LRR1: variants seen among roughly 807,000 people sequenced by gnomAD.
The protein encoded by LRR1 is leucine-rich repeat protein 1.
In LRR1, 29 loss-of-function variants were observed where a neutral mutation model predicts 31.6. The observed-to-expected ratio is 0.92, with a 90% CI of 0.68 to 1.25. The LOEUF (loss-of-function observed/expected upper bound fraction) is 1.25, where lower values mean the gene tolerates loss of function less well. Ranked by LOEUF, LRR1 falls within the 50% of genes most tolerant of loss-of-function variation. LRR1 has a pLI of 0.00. For synonymous variants in LRR1, 179 were observed against 181.4 expected, an observed-to-expected ratio of 0.99 and a Z score of 0.10; for missense variants, 485 against 487.2, an observed-to-expected ratio of 1.00 and a Z score of 0.04.
At chr14:49,602,307 T>C in intron 1 of LRR1, 63 bp from the exon 2 acceptor site, 1 of 1,407,922 alleles carries the variant, frequency 7.1e-7, no homozygotes, top group Non-Finnish European at 1.0e-6. Flanking sequence ...ATTCTAGTTG[T>C]AATAAATGTT....
At chr14:49,608,972 G>A (rs995883842) in intron 3 of LRR1, among the ~76,000 whole-genome samples, 13 of 130,058 alleles carry the variant, frequency 1.0e-4, no homozygotes, top group Non-Finnish European at 2.0e-4. Context: ...GCAGTGGTGC[G>A]AAGCGATCTC....
At chr14:49,602,298 T>G in intron 1 of LRR1, 72 bp from the exon 2 acceptor site, 6 of 1,312,704 alleles carry the variant, frequency 4.6e-6, no homozygotes, top group African/African-American at 1.5e-5. Flanking sequence ...AACTGGCACA[T>G]TCTAGTTGTA....
intron 3 of LRR1, among the ~76,000 whole-genome samples, chr14:49,613,918 A>G (rs1004419325): frequency 4.6e-5 from 7 of 152,220 alleles, no homozygotes; most frequent in African/African-American, 1.4e-4. Context: ...CCCAGCCACT[A>G]AAGTAAAACT....
At chr14:49,601,180 T>G in intron 1 of LRR1, 1 of 1,564,118 alleles carries the variant, frequency 6.4e-7, no homozygotes, top group Non-Finnish European at 8.7e-7. Context: ...TGAGCACAAG[T>G]GTAACCTAAA....
chr14:49,614,139 T>A, intron 3 of LRR1, 117 bp from the exon 4 acceptor site: 15 of 1,021,292 alleles, frequency 1.5e-5, no homozygotes, highest in Non-Finnish European at 1.8e-5. Flanking sequence ...TAGTATATTT[T>A]AAATATACTA....
chr14:49,608,411 T>A (rs1383008329), intron 3 of LRR1, among the ~76,000 whole-genome samples: 2 of 74,118 alleles, frequency 2.7e-5, no homozygotes, highest in Non-Finnish European at 5.7e-5. Context: ...GCTTGATTTT[T>A]TTTTTTTTTT....
chr14:49,607,754 G>C lies in LRR1; in HGVS notation c.637G>C (p.Glu213Gln). 2 of 1,613,404 alleles carry C rather than the reference G, an allele frequency of 1.2e-6. No homozygotes were observed. Among genetic ancestry groups the C allele is most frequent in the Non-Finnish European group, 1.7e-6 (2 of 1,179,546 alleles). ...ACTTAACCTGAATGACAATCACTTG[G>C]AGTCATTTAGTGTAGCCTTGTGTCA... ...QELNLNDNHL[E>Q]SFSVALCHST... Residue 213 changes from glutamate to glutamine, a missense_variant, in exon 3 of 4, where the codon GAG (glutamate) becomes CAG (glutamine). Around this residue, in one of 3 missense-constraint regions of LRR1, gnomAD observed 15 missense variants for 37.2 expected, o/e 0.40. Transcript: ENST00000298288.
intron 1 of LRR1, among the ~76,000 whole-genome samples, chr14:49,601,932 A>G (rs1882071894): frequency 1.3e-5 from 2 of 151,838 alleles, no homozygotes; most frequent in African/African-American, 4.8e-5. Flanking sequence ...CAGGAGTTCT[A>G]GACCAGCTTG....
chr14:49,610,719 T>C (rs971883135), intron 3 of LRR1, among the ~76,000 whole-genome samples: 2 of 151,246 alleles, frequency 1.3e-5, no homozygotes, highest in South Asian at 4.1e-4. Context: ...CCCATGACCA[T>C]GGCCGGCTAA....
intron 2 of LRR1, 88 bp from the exon 3 acceptor site, chr14:49,607,312 T>C: frequency 7.7e-7 from 1 of 1,294,490 alleles, no homozygotes; most frequent in South Asian, 1.9e-5. Context: ...CATTCATAAG[T>C]AATGCCATAG....
intron 2 of LRR1, among the ~76,000 whole-genome samples, chr14:49,605,645 C>G (rs1394394092): frequency 1.3e-5 from 2 of 152,164 alleles, no homozygotes; most frequent in African/African-American, 4.8e-5. Flanking sequence ...CTTCAGTTTT[C>G]TTAGTCACTT....
Position 49,607,819 on chromosome 14 carries a change from C to G in LRR1, c.702C>G (p.Ser234Arg), listed in dbSNP as rs745467767. Residue 234 changes from serine (S) to arginine (R), a missense_variant, in exon 3 of 4, where the codon AGC becomes AGG. Ser to Arg is a moderately radical substitution (Grantham distance 110). This residue lies in a region of LRR1 where 15 missense variants were observed against 37.2 expected (regional missense o/e 0.40). Coordinates refer to ENST00000298288, the MANE Select transcript of LRR1 (RefSeq NM_152329.4). ...AGTCACTTCGGAGTTTGGACCTCAG[C>G]AAGAACAAAATCAAGGCACTCCCTG... ...LQKSLRSLDL[S>R]KNKIKALPVQ... The G allele has an allele frequency of 6.2e-7, 1 of 1,614,132 alleles. No individual in the cohort carries two copies. The highest frequency in any genetic ancestry group is 1.1e-5 in the South Asian group (1 of 91,078).
chr14:49,614,159 T>G, intron 3 of LRR1, 97 bp from the exon 4 acceptor site: 1 of 1,246,750 alleles, frequency 8.0e-7, no homozygotes. Context: ...AATCGCTTAA[T>G]AATTTTACTT....
At position 49,607,803 on chromosome 14, in the gene LRR1, G is replaced by A. The variant is rs770255744; in HGVS notation, c.686G>A (p.Arg229Gln). 9 of 1,614,082 alleles carry A rather than the reference G, an allele frequency of 5.6e-6. No homozygotes were observed. In the South Asian group the frequency reaches 6.6e-5, roughly 12 times the overall value. The change falls in exon 3 of 4, where the codon CGG becomes CAG. Residue 229 changes from arginine to glutamine, a missense_variant. Around this residue, in one of 3 missense-constraint regions of LRR1, gnomAD observed 15 missense variants for 37.2 expected, o/e 0.40. Transcript: ENST00000298288. ...LCHSTLQKSLRSLDLSKNKIK... is the reference protein window; with the variant it reads ...LCHSTLQKSLQSLDLSKNKIK... ...CATTCTACACTCCAGAAGTCACTTCGGAGTTTGGACCTCAGCAAGAACAAA... is the reference window on the plus strand; with the variant it reads ...CATTCTACACTCCAGAAGTCACTTCAGAGTTTGGACCTCAGCAAGAACAAA...
intron 2 of LRR1, among the ~76,000 whole-genome samples, chr14:49,605,954 A>T (rs181329201): frequency 6.6e-6 from 1 of 151,740 alleles, no homozygotes; most frequent in African/African-American, 2.4e-5. Flanking sequence ...CTCATTTACA[A>T]TCTGTCCTCA....
At chr14:49,600,427 T>C in intron 1 of LRR1, 1 of 1,603,508 alleles carries the variant, frequency 6.2e-7, no homozygotes, top group Non-Finnish European at 8.5e-7. Context: ...CCTATATGTG[T>C]GGAACAAGGA....
At chr14:49,602,253 C>A in intron 1 of LRR1, 117 bp from the exon 2 acceptor site, 1 of 622,468 alleles carries the variant, frequency 1.6e-6, no homozygotes, top group Non-Finnish European at 2.6e-6. Context: ...CACTCAGACT[C>A]AAGGACTAAA....
At chr14:49,612,756 A>G (rs1338163545) in intron 3 of LRR1, 2 of 536,154 alleles carry the variant, frequency 3.7e-6, no homozygotes, top group Non-Finnish European at 2.5e-6. Flanking sequence ...ATTATGTGCC[A>G]GCCTAAGCTA....
chr14:49,599,856 C>G, intron 1 of LRR1: 16 of 399,930 alleles, frequency 4.0e-5, no homozygotes, highest in Admixed American at 5.4e-5. Flanking sequence ...GGAGTCGCTG[C>G]TTGGGGCCGG....
Sources: allele counts gnomAD v4.1 joint callset (sites outside exome capture counted in the v4.1 genomes callset), GRCh38; gene constraint gnomAD v4.1.1; regional missense constraint gnomAD v4.1.1; transcripts MANE v1.5; gene names NCBI Gene and HGNC (gene_info 2026-07-23, HGNC 2026-07-21).